The following CPE variants were observed in gnomAD, a reference collection of about 807,000 sequenced individuals.
CPE encodes carbocypeptidase E.
A neutral mutation model predicts 53.5 loss-of-function variants in CPE; 17 were observed. That is an observed-to-expected ratio of 0.32 (90% CI 0.22 to 0.48). CPE has a LOEUF of 0.48. Ranked by LOEUF, CPE falls within the 20% of genes least tolerant of loss-of-function variation. CPE has a pLI of 0.99. For missense variants in CPE, 524 were observed against 614.7 expected (o/e 0.85, Z 1.56); for synonymous variants, 226 against 228.8 (o/e 0.99, Z 0.11).
At chr4:165,440,053 T>C (rs2126684490) in intron 1 of CPE, among the ~76,000 whole-genome samples, 1 of 152,356 alleles carries the variant, frequency 6.6e-6, no homozygotes, top group Non-Finnish European at 1.5e-5. Flanking sequence ...AGCTTTGCAT[T>C]AGATATCCAT....
intron 1 of CPE, among the ~76,000 whole-genome samples, chr4:165,440,854 G>A (rs1731597604): frequency 6.6e-6 from 1 of 151,470 alleles, no homozygotes; most frequent in South Asian, 2.1e-4. Flanking sequence ...TGCCAGAGAG[G>A]CTGGTGTGCT....
At chr4:165,486,136 G>C (rs1467747325) in intron 5 of CPE, among the ~76,000 whole-genome samples, 1 of 152,092 alleles carries the variant, frequency 6.6e-6, no homozygotes. Context: ...TTGGGGGTGA[G>C]AGATAGCATG....
chr4:165,451,943 G>A (rs34464158), intron 1 of CPE, among the ~76,000 whole-genome samples: 48,475 of 147,586 alleles, frequency 0.33, 8,214 homozygotes, highest in Middle Eastern at 0.43. Flanking sequence ...TTTTTTTTTC[G>A]TTTTTTTTAA....
chr4:165,495,688 A>G lies in CPE; in HGVS notation c.1332+11A>G. 2 of 1,524,826 alleles carry G rather than the reference A, an allele frequency of 1.3e-6. No homozygotes were observed. Among genetic ancestry groups the G allele is most frequent in the Non-Finnish European group, 9.1e-7 (1 of 1,104,660 alleles). 94.5% of individuals were successfully genotyped at this position (1,524,826 alleles called of 1,614,324 possible). On this transcript the variant is annotated intron_variant, in intron 8 of 8. Coordinates refer to ENST00000402744, the MANE Select transcript of CPE (RefSeq NM_001873.4). ...AGCCCTGCTGCTGGGGTAAGTAATC[A>G]TAATAATAGCCAAACGCTATAATAA...
chr4:165,384,986 G>C (rs532965515), intron 1 of CPE, among the ~76,000 whole-genome samples: 2 of 152,230 alleles, frequency 1.3e-5, no homozygotes, highest in African/African-American at 4.8e-5. Flanking sequence ...AGCTGAAAAG[G>C]ACACATAATT....
At chr4:165,426,296 T>C (rs772318942) in intron 1 of CPE, among the ~76,000 whole-genome samples, 2 of 152,226 alleles carry the variant, frequency 1.3e-5, no homozygotes, top group Non-Finnish European at 2.9e-5. Context: ...TAGTTTAAGG[T>C]TAGCCTTTGT....
chr4:165,477,565 A>G (rs978821648), intron 3 of CPE, among the ~76,000 whole-genome samples: 1 of 152,162 alleles, frequency 6.6e-6, no homozygotes, highest in Non-Finnish European at 1.5e-5. Context: ...ATGTTATTAT[A>G]CATTCCTCTT....
intron 3 of CPE, among the ~76,000 whole-genome samples, chr4:165,474,917 A>G (rs1481117994): frequency 1.3e-5 from 2 of 152,186 alleles, no homozygotes; most frequent in Admixed American, 1.3e-4. Flanking sequence ...TTTTTCAGCT[A>G]ACTGCCACAA....
rs532580760 is a variant in CPE, at chr4:165,409,371, T to A, written c.307+29843T>A. Among the ~76,000 whole-genome samples, 4 of 152,252 alleles carry A rather than the reference T, an allele frequency of 2.6e-5. No individual in the cohort carries two copies. The East Asian group carries it at 7.7e-4, about 29-fold the overall frequency. On this transcript the variant is annotated intron_variant, in intron 1 of 8. Transcript: ENST00000402744. The stretch of plus-strand genomic sequence containing the variant: ...GGTGTGTGCTACCATGCCTGGCTAA[T>A]CTTTGTATTTTTAGTAGAGACAGGG...
chr4:165,436,891 A>G (rs1210728063), intron 1 of CPE, among the ~76,000 whole-genome samples: 2 of 152,226 alleles, frequency 1.3e-5, no homozygotes, highest in Non-Finnish European at 2.9e-5. Context: ...TTGCCCTCTA[A>G]AGGTTTACCG....
chr4:165,451,931 G>GTTT (rs796524665), intron 1 of CPE, among the ~76,000 whole-genome samples: 1 of 143,088 alleles, frequency 7.0e-6, no homozygotes, highest in African/African-American at 2.6e-5. Context: ...CCCAACCCCC[G>GTTT]TTTTTTTTTT....
chr4:165,459,674 T>TGGGGGGGGG (rs572743841), intron 1 of CPE, among the ~76,000 whole-genome samples: 43 of 56,556 alleles, frequency 7.6e-4, no homozygotes, highest in African/African-American at 1.1e-3. Context: ...GAGGGCTGGG[T>TGGGGGGGGG]GGGGGGGGGC....
At chr4:165,399,919 C>T (rs1034551599) in intron 1 of CPE, among the ~76,000 whole-genome samples, 2 of 151,968 alleles carry the variant, frequency 1.3e-5, no homozygotes, top group African/African-American at 4.8e-5. Flanking sequence ...TAATCCCAGC[C>T]TCTCTAAGAG....
At chr4:165,417,404 C>T (rs879395340) in intron 1 of CPE, among the ~76,000 whole-genome samples, 5 of 152,162 alleles carry the variant, frequency 3.3e-5, no homozygotes, top group Non-Finnish European at 2.9e-5. Flanking sequence ...GAGATTATCT[C>T]TTTTCATTCA....
At position 165,379,371 on chromosome 4, in the gene CPE, C is replaced by A. The variant is rs1276870788; in HGVS notation, c.150C>A (p.Ser50=). The A allele has an allele frequency of 6.2e-7, 1 of 1,605,038 alleles. No individual in the cohort carries two copies. The highest frequency in any genetic ancestry group is 8.5e-7 in the Non-Finnish European group (1 of 1,177,494). ...GGCTGCAGCAAGAGGACGGCATCTC[C>A]TTCGAGTACCACCGCTACCCCGAGC... is the stretch of plus-strand genomic sequence containing the variant. ...RRRLQQEDGI[S]FEYHRYPELR... is the part of the protein sequence containing the mutation. Residue 50 remains serine, a synonymous_variant, in exon 1 of 9, where the codon TCC becomes TCA. Coordinates refer to ENST00000402744, the MANE Select transcript of CPE (RefSeq NM_001873.4). The surrounding 1 kb of genome is among the most constrained non-coding windows in gnomAD (Gnocchi z 6.0).
At chr4:165,391,491 C>T (rs996912641) in intron 1 of CPE, among the ~76,000 whole-genome samples, 22 of 152,080 alleles carry the variant, frequency 1.4e-4, no homozygotes, top group African/African-American at 5.1e-4. Flanking sequence ...GCCCTACTAA[C>T]AACTTGCAGT....
At position 165,497,681 on chromosome 4, in the gene CPE, G is replaced by C; in HGVS notation, c.*71G>C. On this transcript the variant is annotated 3_prime_UTR_variant, in exon 9 of 9. Coordinates refer to ENST00000402744, the MANE Select transcript of CPE (RefSeq NM_001873.4). ...ATGATGTAATGTGGTCTTTTTTTTA[G>C]ATTTTGTGCAGTTAATACTTAACAT... The C allele has an allele frequency of 1.3e-6, 1 of 764,738 alleles. No homozygotes were observed. The highest frequency in any genetic ancestry group is 1.9e-6 in the Non-Finnish European group (1 of 526,736). The allele number at this position is 764,738 out of a possible 1,614,324, so 47.4% of individuals were successfully genotyped here. A position where few individuals can be genotyped will look rare whatever the true frequency, so the allele number is the denominator to read the frequency against.
chr4:165,449,594 C>T (rs1731774164), intron 1 of CPE, among the ~76,000 whole-genome samples: 1 of 152,108 alleles, frequency 6.6e-6, no homozygotes, highest in African/African-American at 2.4e-5. Flanking sequence ...CACAGTATTT[C>T]CTACCCTTGA....
chr4:165,473,612 G>C lies in CPE; in HGVS notation c.672+5757G>C, dbSNP rs190637811. 1.6e-4 allele frequency among the ~76,000 whole-genome samples: 24 copies of C among 152,336 alleles called. No individual in the cohort carries two copies. In the East Asian group the frequency reaches 4.4e-3, roughly 28 times the overall value. Reference sequence around the variant, plus strand: ...TAAACATTTAGGTAACTTTCCAGAAGAAATAGAGCTATTAGAGGGAAAGAT... The same window carrying C: ...TAAACATTTAGGTAACTTTCCAGAACAAATAGAGCTATTAGAGGGAAAGAT... On this transcript the variant is annotated intron_variant, in intron 3 of 8. Coordinates refer to ENST00000402744, the MANE Select transcript of CPE (RefSeq NM_001873.4).
Sources: allele counts gnomAD v4.1 joint callset (sites outside exome capture counted in the v4.1 genomes callset), GRCh38; gene constraint gnomAD v4.1.1; non-coding constraint Gnocchi (gnomAD v3.1); transcripts MANE v1.5; gene names NCBI Gene and HGNC (gene_info 2026-07-23, HGNC 2026-07-21).